The following ATP6V0A2 variants were observed in gnomAD, a reference collection of about 807,000 sequenced individuals.
The protein encoded by ATP6V0A2 is ATPase H+ transporting V0 subunit a2, also known as V-type proton ATPase 116 kDa subunit a 2.
Under a neutral mutation model 104.4 loss-of-function variants are expected in ATP6V0A2, and 58 were observed. That is an observed-to-expected ratio of 0.56 (90% CI 0.45 to 0.69). The LOEUF (loss-of-function observed/expected upper bound fraction) is 0.69. Among genes scored for constraint, ATP6V0A2 ranks in the 30% least tolerant of loss-of-function variants. ATP6V0A2 has a pLI of 0.00. For missense variants in ATP6V0A2, 938 were observed against 1,062.9 expected (o/e 0.88, Z 1.63); for synonymous variants, 376 against 397.9 (o/e 0.95, Z 0.65).
At chr12:123,726,074 AGT>A in intron 4 of ATP6V0A2, 121 bp from the exon 5 acceptor site, 1 of 725,628 alleles carries the variant, frequency 1.4e-6, no homozygotes, top group Non-Finnish European at 2.5e-6. Flanking sequence ...TTACCTCAGA[AGT>A]CTTTGCACCC....
At chr12:123,712,870 G>A (rs1956306402) in intron 1 of ATP6V0A2, among the ~76,000 whole-genome samples, 188 bp downstream of exon 1, 1 of 152,164 alleles carries the variant, frequency 6.6e-6, no homozygotes, top group Non-Finnish European at 1.5e-5. Flanking sequence ...CTCCAGGGTC[G>A]CCGGCCGTCT....
At chr12:123,743,984 A>G (rs754139427) in intron 10 of ATP6V0A2, 49 bp downstream of exon 10, 1 of 1,609,410 alleles carries the variant, frequency 6.2e-7, no homozygotes, top group Admixed American at 1.7e-5. Context: ...GCATTGTTGC[A>G]TTCTTGCTCT....
Position 123,718,507 on chromosome 12 carries a change from TC to T in ATP6V0A2, c.118-115del, listed in dbSNP as rs1956366276. 4.3e-6 allele frequency: 3 copies of T among 700,500 alleles called. No individual in the cohort carries two copies. In the African/African-American group the frequency reaches 5.4e-5, roughly 13 times the overall value. The allele number at this position is 700,500 out of a possible 1,614,324, so 43.4% of individuals were successfully genotyped here. ...AGAAAAGTTGTGTCAGTTTATAGTT[TC>T]ATTCAATAGTATACAAGAGTGTACA... On this transcript the variant is annotated intron_variant, in intron 1 of 19. Transcript: ENST00000330342.
chr12:123,755,266 G>A (rs1956752319), intron 18 of ATP6V0A2, among the ~76,000 whole-genome samples: 1 of 152,176 alleles, frequency 6.6e-6, no homozygotes, highest in Non-Finnish European at 1.5e-5. Flanking sequence ...GCCAGGCACA[G>A]TGGCTCACAC....
At position 123,752,414 on chromosome 12, in the gene ATP6V0A2, C is replaced by A; in HGVS notation, c.2175+12C>A. The stretch of plus-strand genomic sequence containing the variant: ...TGGCGTGTGAAGAGGTAAATCTTTT[C>A]AACTGCTATTGATAAACTTAGATAA... On this transcript the variant is annotated intron_variant, in intron 17 of 19. Coordinates refer to ENST00000330342, the MANE Select transcript of ATP6V0A2 (RefSeq NM_012463.4). The A allele has an allele frequency of 6.2e-7, 1 of 1,613,762 alleles. No individual in the cohort carries two copies. Among genetic ancestry groups the A allele is most frequent in the Non-Finnish European group, 8.5e-7 (1 of 1,179,740 alleles).
At chr12:123,713,464 G>A (rs1266068647) in intron 1 of ATP6V0A2, among the ~76,000 whole-genome samples, 1 of 152,112 alleles carries the variant, frequency 6.6e-6, no homozygotes. Context: ...GTCAACCTCT[G>A]AGAGTAAGTA....
Position 123,747,966 on chromosome 12 carries a change from A to C in ATP6V0A2, c.1724+241A>C, listed in dbSNP as rs918059309. 3.9e-5 allele frequency among the ~76,000 whole-genome samples: 6 copies of C among 152,336 alleles called. No individual in the cohort carries two copies. The South Asian group carries it at 1.0e-3, about 26-fold the overall frequency. On this transcript the variant is annotated intron_variant, in intron 14 of 19. Coordinates refer to ENST00000330342, the MANE Select transcript of ATP6V0A2 (RefSeq NM_012463.4). ...TCTAGGCACTAGGAGTTCAGCAGTG[A>C]GGAGGGCAGAAAAAAGTTGTTGCCC...
chr12:123,727,953 A>G, intron 6 of ATP6V0A2, 44 bp downstream of exon 6: 2 of 1,613,664 alleles, frequency 1.2e-6, no homozygotes, highest in Non-Finnish European at 1.7e-6. Flanking sequence ...ACGGACTAAC[A>G]GCAGAGTTGG....
chr12:123,716,877 T>C (rs148840392), intron 1 of ATP6V0A2, among the ~76,000 whole-genome samples: 1 of 151,716 alleles, frequency 6.6e-6, no homozygotes, highest in East Asian at 1.9e-4. Context: ...TTCTTAATGC[T>C]CATTTACAGT....
chr12:123,728,042 CGTGTAGT>C (rs1956464786), intron 6 of ATP6V0A2, 133 bp downstream of exon 6: 2 of 1,147,900 alleles, frequency 1.7e-6, no homozygotes, highest in Non-Finnish European at 1.3e-6. Flanking sequence ...TCTTCAACCA[CGTGTAGT>C]GTGTATAGTT....
At chr12:123,733,516 C>A in intron 6 of ATP6V0A2, 1 of 235,972 alleles carries the variant, frequency 4.2e-6, no homozygotes, top group South Asian at 5.9e-5. Flanking sequence ...CTCAGGACAC[C>A]AGACTGCACC....
At chr12:123,746,991 G>T (rs1319619303) in intron 13 of ATP6V0A2, among the ~76,000 whole-genome samples, 3 of 152,158 alleles carry the variant, frequency 2.0e-5, no homozygotes, top group Non-Finnish European at 4.4e-5. Context: ...CTGAAGGGCA[G>T]GCTGTAGGAA....
intron 1 of ATP6V0A2, among the ~76,000 whole-genome samples, chr12:123,713,552 G>A (rs973741931): frequency 6.6e-6 from 1 of 152,038 alleles, no homozygotes; most frequent in East Asian, 1.9e-4. Context: ...TTGACTGCCC[G>A]CTATGTTCAG....
At chr12:123,747,519 C>G in intron 13 of ATP6V0A2, 88 bp from the exon 14 acceptor site, 1 of 866,622 alleles carries the variant, frequency 1.2e-6, no homozygotes, top group Non-Finnish European at 2.0e-6. Flanking sequence ...CTTAGAGCCA[C>G]CTTTCAAGTT....
At chr12:123,717,186 T>C (rs1310494836) in intron 1 of ATP6V0A2, among the ~76,000 whole-genome samples, 1 of 150,046 alleles carries the variant, frequency 6.7e-6, no homozygotes, top group African/African-American at 2.5e-5. Context: ...GTGGTGGCAC[T>C]TGGCTGTAAT....
chr12:123,755,940 G>A (rs1425062861), intron 18 of ATP6V0A2, among the ~76,000 whole-genome samples: 2 of 150,884 alleles, frequency 1.3e-5, no homozygotes, highest in East Asian at 3.9e-4. Context: ...AATTAGCCGG[G>A]CGTGGTGGCG....
intron 15 of ATP6V0A2, among the ~76,000 whole-genome samples, chr12:123,749,102 CA>C (rs529003696): frequency 1.4e-3 from 206 of 152,218 alleles, no homozygotes; most frequent in African/African-American, 4.6e-3. Context: ...CCAGCCTGGG[CA>C]ACACAGCAAG....
At chr12:123,736,582 C>T (rs572640868) in intron 8 of ATP6V0A2, among the ~76,000 whole-genome samples, 1 of 152,284 alleles carries the variant, frequency 6.6e-6, no homozygotes, top group African/African-American at 2.4e-5. Flanking sequence ...ATTCATTTTT[C>T]TCTTGATGAC....
chr12:123,733,984 A>G lies in ATP6V0A2; in HGVS notation c.707A>G (p.His236Arg). The change falls in exon 7 of 20, where the codon CAC (histidine) becomes CGC (arginine). Residue 236 changes from histidine (H) to arginine (R), a missense_variant. Physicochemically the swap from His to Arg is conservative, Grantham distance 29. Transcript: ENST00000330342. ...TCCTTTTGGGGAGAGCAGATTGGCC[A>G]CAAGGTTAAGAAGATATGTGATTGG... ...LISFWGEQIGHKVKKICDCYH... is the reference protein window; with the variant it reads ...LISFWGEQIGRKVKKICDCYH... 6 of 1,613,456 alleles carry G rather than the reference A, an allele frequency of 3.7e-6. No homozygotes were observed. The highest frequency in any genetic ancestry group is 5.1e-6 in the Non-Finnish European group (6 of 1,179,414).
Sources: gnomAD v4.1 joint callset for allele counts (sites outside exome capture counted in the v4.1 genomes callset) on GRCh38, gnomAD v4.1.1 for gene constraint, MANE v1.5 for transcripts, NCBI Gene and HGNC (gene_info 2026-07-23, HGNC 2026-07-21) for gene names.